Variants in CDH2 observed in about 807,000 individuals in gnomAD.
CDH2 encodes the protein cadherin 2, also known as cadherin-2.
Under a neutral mutation model 92.0 loss-of-function variants are expected in CDH2, and 17 were observed. That is an observed-to-expected ratio of 0.18 (90% confidence interval 0.13 to 0.28). The LOEUF is 0.28. CDH2 is among the 10% of genes least tolerant of loss of function. The pLI is 1.00. For missense variants in CDH2, 862 were observed against 1,133.1 expected (o/e 0.76, Z 3.44); for synonymous variants, 419 against 415.9 (o/e 1.01, Z -0.09).
chr18:28,018,387 C>T (rs2013313931), intron 2 of CDH2, among the ~76,000 whole-genome samples: 1 of 151,932 alleles, frequency 6.6e-6, no homozygotes, highest in African/African-American at 2.4e-5. Flanking sequence ...ACTGGAAAAA[C>T]CAATACTAAA....
intron 6 of CDH2, among the ~76,000 whole-genome samples, chr18:27,938,201 C>G (rs1225045205): frequency 6.6e-6 from 1 of 152,066 alleles, no homozygotes; most frequent in Non-Finnish European, 1.5e-5. Context: ...TCTGAGGCCT[C>G]CCCGGAAGCC....
intron 14 of CDH2, among the ~76,000 whole-genome samples, chr18:27,974,602 G>A (rs2011763927): frequency 6.6e-6 from 1 of 152,176 alleles, no homozygotes; most frequent in Non-Finnish European, 1.5e-5. Context: ...GCTACGCTCT[G>A]AATGTCTGTG....
chr18:28,047,823 C>T (rs1423860790), intron 2 of CDH2, among the ~76,000 whole-genome samples: 4 of 131,382 alleles, frequency 3.0e-5, no homozygotes, highest in Admixed American at 2.7e-4. Context: ...GAGCCGAGAT[C>T]GGGCCACTGC....
intron 2 of CDH2, among the ~76,000 whole-genome samples, chr18:28,070,004 T>C (rs540087020): frequency 2.6e-4 from 39 of 152,244 alleles, no homozygotes; most frequent in African/African-American, 9.1e-4. Context: ...AGAAGCCTAG[T>C]AGGCAGAGGC....
chr18:28,097,196 G>A (rs1460494905), intron 2 of CDH2: 1 of 152,094 alleles, frequency 6.6e-6, no homozygotes, highest in Admixed American at 6.5e-5. Context: ...CTGCATCTGT[G>A]TCTACAAGGA....
intron 2 of CDH2, 59 bp from the exon 3 acceptor site, chr18:28,013,968 C>T: frequency 1.7e-6 from 2 of 1,162,636 alleles, no homozygotes; most frequent in Non-Finnish European, 2.5e-6. Flanking sequence ...CAAAAAAAAA[C>T]CCCTAATACT....
At chr18:28,005,565 C>T (rs563434668) in intron 6 of CDH2, among the ~76,000 whole-genome samples, 2 of 152,154 alleles carry the variant, frequency 1.3e-5, no homozygotes, top group South Asian at 2.1e-4. Flanking sequence ...TAAAGCAGAA[C>T]GAAAGGATCC....
intron 2 of CDH2, among the ~76,000 whole-genome samples, chr18:28,131,372 G>A (rs1323269414): frequency 2.0e-5 from 3 of 152,108 alleles, no homozygotes; most frequent in African/African-American, 7.2e-5. Flanking sequence ...GAGGCCACAG[G>A]AGTAAAGAGG....
At chr18:28,161,831 T>C (rs1035054283) in intron 1 of CDH2, among the ~76,000 whole-genome samples, 1 of 152,174 alleles carries the variant, frequency 6.6e-6, no homozygotes, top group African/African-American at 2.4e-5. Flanking sequence ...TCTTGACCTT[T>C]GGCCAACTTA....
At chr18:28,045,478 G>A in intron 2 of CDH2, 1 of 462,336 alleles carries the variant, frequency 2.2e-6, no homozygotes, top group Non-Finnish European at 4.5e-6. Flanking sequence ...TCTCATCATG[G>A]TCTTGTAAAT....
rs771852330 is a variant in CDH2, at chr18:27,990,244, A to G, written c.1451T>C (p.Val484Ala). The change falls in exon 10 of 16, where the codon GTG (valine) becomes GCG (alanine). Residue 484 changes from valine (V) to alanine (A), a missense_variant. Around this residue, in one of 5 missense-constraint regions of CDH2, gnomAD observed 564 missense variants for 722.2 expected, o/e 0.78. Coordinates refer to ENST00000269141, the MANE Select transcript of CDH2 (RefSeq NM_001792.5). ...ATTTACGTCAATAACTGTAACAGAC[A>G]CGGTTGCAGTTGACTGAGGGGGGTG... ...IQHPPQSTATVSVTVIDVNEN... is the reference protein window; with the variant it reads ...IQHPPQSTATASVTVIDVNEN... The G allele has an allele frequency of 6.2e-7, 1 of 1,613,946 alleles. No individual in the cohort carries two copies. The highest frequency in any genetic ancestry group is 8.5e-7 in the Non-Finnish European group (1 of 1,179,912).
At chr18:27,990,466 C>G in intron 9 of CDH2, 116 bp from the exon 10 acceptor site, 2 of 908,972 alleles carry the variant, frequency 2.2e-6, no homozygotes, top group South Asian at 3.6e-5. Context: ...CACTACATAA[C>G]AAGGTTCCTC....
intron 11 of CDH2, among the ~76,000 whole-genome samples, 183 bp downstream of exon 11, chr18:27,988,341 T>C (rs1253320681): frequency 6.6e-6 from 1 of 152,184 alleles, no homozygotes; most frequent in Non-Finnish European, 1.5e-5. Flanking sequence ...AGAACAGTCA[T>C]TGCAAAGACA....
intron 2 of CDH2, among the ~76,000 whole-genome samples, chr18:28,097,787 T>C (rs1414684389): frequency 1.3e-5 from 2 of 152,194 alleles, no homozygotes; most frequent in African/African-American, 4.8e-5. Flanking sequence ...GCATTGCTAC[T>C]TAAATGCATT....
chr18:28,007,583 T>C (rs910205190), intron 5 of CDH2, among the ~76,000 whole-genome samples: 8 of 152,180 alleles, frequency 5.3e-5, no homozygotes, highest in East Asian at 1.9e-4. Context: ...TTCTTTTTTT[T>C]CCCTTGGCTT....
chr18:28,000,915 C>G (rs1354823864), intron 7 of CDH2, among the ~76,000 whole-genome samples: 1 of 152,046 alleles, frequency 6.6e-6, no homozygotes, highest in African/African-American at 2.4e-5. Context: ...AATTTCAAGT[C>G]TGCACGAGGC....
intron 13 of CDH2, 89 bp from the exon 14 acceptor site, chr18:27,983,172 C>G: frequency 2.2e-6 from 2 of 927,604 alleles, no homozygotes; most frequent in Non-Finnish European, 3.2e-6. Flanking sequence ...ATAATTTATA[C>G]TTATATGAAC....
Position 28,003,073 on chromosome 18 carries a change from G to A in CDH2, c.944C>T (p.Thr315Ile). 1.9e-6 allele frequency: 3 copies of A among 1,613,978 alleles called. No homozygotes were observed. Among genetic ancestry groups the A allele is most frequent in the Non-Finnish European group, 1.7e-6 (2 of 1,179,948 alleles). The change falls in exon 7 of 16, where the codon ACC becomes ATC. Residue 315 changes from threonine to isoleucine, a missense_variant. Around this residue, in one of 5 missense-constraint regions of CDH2, gnomAD observed 564 missense variants for 722.2 expected, o/e 0.78. Coordinates refer to ENST00000269141, the MANE Select transcript of CDH2 (RefSeq NM_001792.5). The part of the protein sequence containing the change: ...RYRIVSQAPS[T>I]PSPNMFTINN... ...GATTGTAAACATGTTGGGTGAAGGG[G>A]TGCTTGGAGCCTGAGACACGATTCT...
At chr18:28,105,974 T>C (rs1380541160) in intron 2 of CDH2, among the ~76,000 whole-genome samples, 1 of 152,222 alleles carries the variant, frequency 6.6e-6, no homozygotes, top group Non-Finnish European at 1.5e-5. Context: ...ACGAATTGAG[T>C]AGAATTCATT....
Sources: allele counts gnomAD v4.1 joint callset (sites outside exome capture counted in the v4.1 genomes callset), GRCh38; gene constraint gnomAD v4.1.1; regional missense constraint gnomAD v4.1.1; transcripts MANE v1.5; gene names NCBI Gene and HGNC (gene_info 2026-07-23, HGNC 2026-07-21).